PSMD1: variants seen among roughly 807,000 people sequenced by gnomAD.
PSMD1 encodes 26S proteasome non-ATPase regulatory subunit 1.
A neutral mutation model predicts 119.0 loss-of-function variants in PSMD1; 18 were observed. That is an observed-to-expected ratio of 0.15 (90% CI 0.10 to 0.22). The LOEUF is 0.22. Ranked by LOEUF, PSMD1 falls within the 10% of genes least tolerant of loss-of-function variation. The probability of loss-of-function intolerance (pLI) is 1.00; values close to 1 mark genes in which losing one functional copy is unlikely to be tolerated. For synonymous variants in PSMD1, 374 were observed against 396.6 expected (o/e 0.94, Z 0.68); for missense variants, 702 against 1,158.5 (o/e 0.61, Z 5.72).
chr2:231,104,032 C>G (rs1200634663), intron 16 of PSMD1, among the ~76,000 whole-genome samples: 1 of 152,032 alleles, frequency 6.6e-6, no homozygotes, highest in Non-Finnish European at 1.5e-5. Context: ...CAGGTATACC[C>G]TTAGTATCTC....
intron 16 of PSMD1, among the ~76,000 whole-genome samples, chr2:231,101,115 A>G (rs1694856159): frequency 6.6e-6 from 1 of 152,252 alleles, no homozygotes; most frequent in Non-Finnish European, 1.5e-5. Flanking sequence ...TGTTTAGCAC[A>G]GATTTAATGA....
chr2:231,143,013 C>T (rs1696164416), intron 17 of PSMD1, among the ~76,000 whole-genome samples: 1 of 152,012 alleles, frequency 6.6e-6, no homozygotes, highest in Non-Finnish European at 1.5e-5. Flanking sequence ...TGAGAAACAT[C>T]CTACCAAATT....
chr2:231,163,647 C>G lies in PSMD1; in HGVS notation c.2401C>G (p.Gln801Glu). The G allele has an allele frequency of 6.2e-7, 1 of 1,611,168 alleles. No individual in the cohort carries two copies. The highest frequency in any genetic ancestry group is 8.5e-7 in the Non-Finnish European group (1 of 1,177,910). ...GGAATTTCTTCAGATGCCGAAAGTTCAGTATAAATCGAACTGTAAACCATC... is the reference window on the plus strand; with the variant it reads ...GGAATTTCTTCAGATGCCGAAAGTTGAGTATAAATCGAACTGTAAACCATC... ...LNKDLKMPKV[Q>E]YKSNCKPSTF... Residue 801 changes from glutamine to glutamate, a missense_variant, in exon 21 of 25, where the codon CAG (glutamine) becomes GAG (glutamate). Gln to Glu is a conservative substitution (Grantham distance 29). Around this residue, in one of 9 missense-constraint regions of PSMD1, gnomAD observed 152 missense variants for 239.3 expected, o/e 0.64. Coordinates refer to ENST00000308696, the MANE Select transcript of PSMD1 (RefSeq NM_002807.4).
chr2:231,112,619 A>G (rs1164425686), intron 16 of PSMD1, among the ~76,000 whole-genome samples: 1 of 152,144 alleles, frequency 6.6e-6, no homozygotes, highest in Non-Finnish European at 1.5e-5. Context: ...CCTCTTTGAA[A>G]TATTTTTACA....
intron 16 of PSMD1, among the ~76,000 whole-genome samples, chr2:231,119,404 A>G (rs533543149): frequency 3.0e-4 from 45 of 152,306 alleles, no homozygotes; most frequent in Middle Eastern, 3.4e-3. Context: ...CTCTGAAATA[A>G]TAAGTGATTG....
At chr2:231,080,087 T>G (rs928638251) in intron 11 of PSMD1, 54 bp from the exon 12 acceptor site, 100 of 1,495,954 alleles carry the variant, frequency 6.7e-5, no homozygotes, top group Non-Finnish European at 8.1e-5. Flanking sequence ...AAACATTGTC[T>G]TTTTTCTTCT....
At chr2:231,061,824 C>A (rs1323637561) in intron 2 of PSMD1, among the ~76,000 whole-genome samples, 1 of 152,174 alleles carries the variant, frequency 6.6e-6, no homozygotes, top group Non-Finnish European at 1.5e-5. Flanking sequence ...CCCGCCTTGA[C>A]CTCCCAAAGT....
intron 7 of PSMD1, 65 bp from the exon 8 acceptor site, chr2:231,075,446 C>A: frequency 7.1e-7 from 1 of 1,400,610 alleles, no homozygotes; most frequent in Non-Finnish European, 1.0e-6. Context: ...GGACATGGTT[C>A]AGATCTGTGG....
intron 16 of PSMD1, among the ~76,000 whole-genome samples, chr2:231,127,181 C>G (rs1416572721): frequency 6.6e-6 from 1 of 151,782 alleles, no homozygotes; most frequent in East Asian, 1.9e-4. Flanking sequence ...AAACATGTTT[C>G]CCTGCCTACT....
At chr2:231,121,325 T>A (rs1377924257) in intron 16 of PSMD1, among the ~76,000 whole-genome samples, 2 of 152,050 alleles carry the variant, frequency 1.3e-5, no homozygotes, top group East Asian at 3.9e-4. Flanking sequence ...CCCAGGAGTT[T>A]GAGGCCAGCC....
In PSMD1 at chr2:231,170,860, T is replaced by C; in HGVS notation, c.*9+139T>C. 1.1e-6 allele frequency: 1 copy of C among 878,356 alleles called. No individual in the cohort carries two copies. The highest frequency in any genetic ancestry group is 1.7e-5 in the African/African-American group (1 of 57,164). The allele number at this position is 878,356 out of a possible 1,614,324, so 54.4% of individuals were successfully genotyped here. A position where few individuals can be genotyped will look rare whatever the true frequency, so the allele number is the denominator to read the frequency against. ...CCTAAACAGTATTAAAACTTCCCCG[T>C]TTCAACCTTTTTCTGCATATATAAC... is the stretch of plus-strand genomic sequence containing the variant. On this transcript the variant is annotated intron_variant, in intron 24 of 24. Coordinates refer to ENST00000308696, the MANE Select transcript of PSMD1 (RefSeq NM_002807.4). The surrounding 1 kb of genome is among the most constrained non-coding windows in gnomAD (Gnocchi z 4.1).
intron 16 of PSMD1, chr2:231,123,815 T>A (rs765765181): frequency 3.7e-6 from 5 of 1,356,456 alleles, no homozygotes; most frequent in Non-Finnish European, 5.3e-6. Flanking sequence ...TCAGCATGGT[T>A]AGTAGCTAAG....
At chr2:231,166,145 T>C in intron 23 of PSMD1, 128 bp downstream of exon 23, 1 of 1,017,712 alleles carries the variant, frequency 9.8e-7, no homozygotes. Flanking sequence ...AGAAATTATT[T>C]AACAAAAGAG....
At chr2:231,141,100 G>A (rs943839958) in intron 17 of PSMD1, among the ~76,000 whole-genome samples, 3 of 152,190 alleles carry the variant, frequency 2.0e-5, no homozygotes, top group Non-Finnish European at 4.4e-5. Flanking sequence ...CTGAAGTCAG[G>A]AGTTCAAGAC....
intron 17 of PSMD1, 147 bp from the exon 18 acceptor site, chr2:231,146,093 A>G (rs2125254165): frequency 3.5e-6 from 2 of 570,630 alleles, no homozygotes; most frequent in South Asian, 2.0e-5. Context: ...GGCAATAGTA[A>G]TTTTTCAACT....
At chr2:231,061,076 G>T (rs910304854) in intron 1 of PSMD1, among the ~76,000 whole-genome samples, 191 bp from the exon 2 acceptor site, 1 of 152,150 alleles carries the variant, frequency 6.6e-6, no homozygotes, top group Admixed American at 6.5e-5. Flanking sequence ...TGCCATGAGG[G>T]TTTGATAATA....
chr2:231,057,080 C>T (rs1013618885), intron 1 of PSMD1, 39 bp downstream of exon 1: 7 of 1,482,074 alleles, frequency 4.7e-6, no homozygotes, highest in African/African-American at 1.5e-5. Context: ...AGGGAGGAGC[C>T]GCCGCCGCGC....
chr2:231,161,212 T>G lies in PSMD1; in HGVS notation c.2219-128T>G, dbSNP rs2125266768. On this transcript the variant is annotated intron_variant, in intron 19 of 24. Transcript: ENST00000308696. Reference sequence around the variant, plus strand: ...AGTGTTTCACTCTGTCACCCGAGCTTGGGTAACAGTGAGACCCTATCTCTT... The same window carrying G: ...AGTGTTTCACTCTGTCACCCGAGCTGGGGTAACAGTGAGACCCTATCTCTT... 2.3e-6 allele frequency: 2 copies of G among 883,676 alleles called. 1 individual carries two copies. Among genetic ancestry groups the G allele is most frequent in the Middle Eastern group, 6.4e-4 (2 of 3,130 alleles). 54.7% of individuals were successfully genotyped at this position (883,676 alleles called of 1,614,324 possible).
intron 16 of PSMD1, among the ~76,000 whole-genome samples, chr2:231,089,799 T>C (rs1292526393): frequency 1.3e-5 from 2 of 152,106 alleles, no homozygotes; most frequent in African/African-American, 2.4e-5. Context: ...GTCTCTCCTT[T>C]TCACGTTTTT....
Sources: allele counts gnomAD v4.1 joint callset (sites outside exome capture counted in the v4.1 genomes callset), GRCh38; gene constraint gnomAD v4.1.1; regional missense constraint gnomAD v4.1.1; non-coding constraint Gnocchi (gnomAD v3.1); transcripts MANE v1.5; gene names NCBI Gene and HGNC (gene_info 2026-07-23, HGNC 2026-07-21).